Variants in HTR7 observed in about 807,000 individuals in gnomAD.
HTR7 encodes 5-HT-7.
HTR7 carries 16 observed loss-of-function variants against 34.0 expected under a neutral mutation model. That is an observed-to-expected ratio of 0.47 (90% CI 0.32 to 0.71). The LOEUF (loss-of-function observed/expected upper bound fraction) is 0.71, where lower values mean the gene tolerates loss of function less well. HTR7 is among the 30% of genes least tolerant of loss of function. The pLI is 0.04. For synonymous variants in HTR7, 265 were observed against 260.2 expected (o/e 1.02, Z -0.18); for missense variants, 504 against 625.5 (o/e 0.81, Z 2.07).
rs527520423 is a variant in HTR7 at position 90,810,512 on chromosome 10, C to T, written c.539+46621G>A. Among the ~76,000 whole-genome samples, 5 of 152,208 alleles carry T rather than the reference C, an allele frequency of 3.3e-5. No individual in the cohort carries two copies. In the East Asian group the frequency reaches 9.6e-4, roughly 29 times the overall value. On this transcript the variant is annotated intron_variant, in intron 1 of 3. Coordinates refer to ENST00000336152, the MANE Select transcript of HTR7 (RefSeq NM_019859.4). ...GCCTATAAACTCTCCTTACAATTCC[C>T]CCATTTTACCTGTCCTAAAACCAGA...
At chr10:90,795,895 G>T (rs1254440334) in intron 1 of HTR7, among the ~76,000 whole-genome samples, 1 of 152,148 alleles carries the variant, frequency 6.6e-6, no homozygotes, top group African/African-American at 2.4e-5. Flanking sequence ...GTTCTGATTG[G>T]CAATTGGTTG....
chr10:90,818,492 G>C (rs1358339340), intron 1 of HTR7, among the ~76,000 whole-genome samples: 1 of 152,044 alleles, frequency 6.6e-6, no homozygotes, highest in African/African-American at 2.4e-5. Flanking sequence ...GTTGCAGTGA[G>C]CCGAGATCGC....
Position 90,807,378 on chromosome 10 carries a change from A to T in HTR7, c.539+49755T>A, listed in dbSNP as rs1436487046. Among the ~76,000 whole-genome samples, 5 of 152,200 alleles carry T rather than the reference A, an allele frequency of 3.3e-5. No individual in the cohort carries two copies. In the East Asian group the frequency reaches 9.6e-4, roughly 29 times the overall value. On this transcript the variant is annotated intron_variant, in intron 1 of 3. Coordinates refer to ENST00000336152, the MANE Select transcript of HTR7 (RefSeq NM_019859.4). ...TGGCCTGAAGTAACTGAAGAATCAC[A>T]AAAGAAGTGAATATGCCCTGCCTCA...
intron 1 of HTR7, among the ~76,000 whole-genome samples, chr10:90,789,147 T>C (rs1374763106): frequency 2.0e-5 from 3 of 152,250 alleles, no homozygotes; most frequent in African/African-American, 4.8e-5. Context: ...AACTGACTAC[T>C]GAAACCAGAA....
At chr10:90,766,419 TAA>T (rs1245543121) in intron 1 of HTR7, among the ~76,000 whole-genome samples, 10 of 152,224 alleles carry the variant, frequency 6.6e-5, no homozygotes, top group Non-Finnish European at 1.3e-4. Context: ...TGTGTCTCCT[TAA>T]AGCTCAAGTG....
chr10:90,806,040 A>G (rs1845699730), intron 1 of HTR7, among the ~76,000 whole-genome samples: 1 of 152,226 alleles, frequency 6.6e-6, no homozygotes, highest in Non-Finnish European at 1.5e-5. Context: ...AAACTACTAG[A>G]TATAAGAGAA....
chr10:90,773,485 A>C (rs1325306393), intron 1 of HTR7, among the ~76,000 whole-genome samples: 2 of 152,144 alleles, frequency 1.3e-5, no homozygotes, highest in African/African-American at 4.8e-5. Flanking sequence ...ATACTTTTTA[A>C]GTTATTTTTA....
At chr10:90,853,185 T>C (rs771240438) in intron 1 of HTR7, among the ~76,000 whole-genome samples, 4 of 152,156 alleles carry the variant, frequency 2.6e-5, no homozygotes, top group Non-Finnish European at 5.9e-5. Flanking sequence ...TTGCACTATT[T>C]TATACTTTTA....
rs897852270 is a variant in HTR7 at position 90,789,785 on chromosome 10, G to A, written c.540-40191C>T. On this transcript the variant is annotated intron_variant, in intron 1 of 3. Transcript: ENST00000336152. ...ATTTGGATTTGGGGAGGTCCAGAGC[G>A]CCAGATTTCAAATCCATGTTCTGCA... Among the ~76,000 whole-genome samples the A allele has an allele frequency of 4.6e-5, 7 of 152,216 alleles. 1 individual carries two copies. In the South Asian group the frequency reaches 6.2e-4, roughly 14 times the overall value.
intron 1 of HTR7, among the ~76,000 whole-genome samples, chr10:90,807,155 G>T (rs1045245933): frequency 6.6e-6 from 1 of 152,178 alleles, no homozygotes. Flanking sequence ...GGTTGATGCA[G>T]GACACACAGC....
chr10:90,761,818 A>C (rs1464450047), intron 1 of HTR7, among the ~76,000 whole-genome samples: 16 of 152,114 alleles, frequency 1.1e-4, no homozygotes, highest in Admixed American at 9.8e-4. Flanking sequence ...CCCTGCCAAC[A>C]ACCATGCTAC....
intron 1 of HTR7, among the ~76,000 whole-genome samples, chr10:90,854,203 A>C (rs1015293112): frequency 3.3e-5 from 5 of 152,186 alleles, no homozygotes; most frequent in African/African-American, 4.8e-5. Flanking sequence ...AAATTCAAAA[A>C]TTAGCCGGGT....
At chr10:90,844,942 G>A (rs1846391305) in intron 1 of HTR7, among the ~76,000 whole-genome samples, 2 of 151,872 alleles carry the variant, frequency 1.3e-5, no homozygotes, top group Non-Finnish European at 2.9e-5. Context: ...TGCAGCCAGG[G>A]TTGTGCACCC....
intron 1 of HTR7, among the ~76,000 whole-genome samples, chr10:90,844,510 G>A (rs1039030763): frequency 6.6e-5 from 10 of 151,740 alleles, no homozygotes; most frequent in Non-Finnish European, 1.5e-4. Context: ...CGGATCATGA[G>A]GTCAGGAGAT....
intron 1 of HTR7, among the ~76,000 whole-genome samples, chr10:90,835,785 G>C (rs1471113784): frequency 6.6e-6 from 1 of 152,212 alleles, no homozygotes; most frequent in Non-Finnish European, 1.5e-5. Flanking sequence ...GAGAGCTTGA[G>C]AGGGACACCT....
chr10:90,845,056 G>A, intron 1 of HTR7, among the ~76,000 whole-genome samples: 1 of 152,122 alleles, frequency 6.6e-6, no homozygotes, highest in East Asian at 1.9e-4. Flanking sequence ...GCTGGGGGTA[G>A]GGGGCTGTGT....
chr10:90,846,555 G>A (rs1418617060), intron 1 of HTR7, among the ~76,000 whole-genome samples: 1 of 152,164 alleles, frequency 6.6e-6, no homozygotes, highest in Non-Finnish European at 1.5e-5. Flanking sequence ...TAACAAGCAT[G>A]ACCATTTTTG....
chr10:90,783,397 T>C lies in HTR7; in HGVS notation c.540-33803A>G, dbSNP rs552201339. On this transcript the variant is annotated intron_variant, in intron 1 of 3. Coordinates refer to ENST00000336152, the MANE Select transcript of HTR7 (RefSeq NM_019859.4). ...CACTTTGTAAAAGCCCTGTGTTTATTTCCTGCCTCCAGAATGCAGCCTTTA... is the reference window on the plus strand; with the variant it reads ...CACTTTGTAAAAGCCCTGTGTTTATCTCCTGCCTCCAGAATGCAGCCTTTA... Among the ~76,000 whole-genome samples the C allele has an allele frequency of 3.9e-5, 6 of 152,286 alleles. No individual in the cohort carries two copies. The South Asian group carries it at 1.2e-3, about 32-fold the overall frequency.
In HTR7 at chr10:90,743,593, C is replaced by G; in HGVS notation, c.1393G>C (p.Asp465His). 2 of 1,613,020 alleles carry G rather than the reference C, an allele frequency of 1.2e-6. No individual in the cohort carries two copies. The highest frequency in any genetic ancestry group is 1.1e-5 in the South Asian group (1 of 91,052). Reference sequence around the variant, plus strand: ...AAGTCTCCCTTTCCTTGCTACCCACCTGCTAACCAATTGTGATGGTCTGGA... The same window carrying G: ...AAGTCTCCCTTTCCTTGCTACCCACGTGCTAACCAATTGTGATGGTCTGGA... Reference protein sequence around the residue: ...QSPDHHNWLADKMLTTVEKKV... With the variant: ...QSPDHHNWLAHKMLTTVEKKV... Residue 465 changes from aspartate to histidine, a missense_variant and splice_region_variant, in exon 3 of 4, where the codon GAC (aspartate) becomes CAC (histidine). Physicochemically the swap from Asp to His is moderately conservative, Grantham distance 81. This residue lies in a region of HTR7 where 154 missense variants were observed against 212.1 expected (regional missense o/e 0.73). Coordinates refer to ENST00000336152, the MANE Select transcript of HTR7 (RefSeq NM_019859.4).
Sources: gnomAD v4.1 joint callset for allele counts (sites outside exome capture counted in the v4.1 genomes callset) on GRCh38, gnomAD v4.1.1 for gene constraint, gnomAD v4.1.1 regional missense constraint, MANE v1.5 for transcripts, NCBI Gene and HGNC (gene_info 2026-07-23, HGNC 2026-07-21) for gene names.